CATSPERD: variants seen among roughly 807,000 people sequenced by gnomAD.
CATSPERD encodes the protein catsper channel auxiliary subunit delta.
CATSPERD carries 86 observed loss-of-function variants against 98.1 expected under a neutral mutation model. The ratio of observed to expected loss-of-function variants is 0.88; its 90% CI spans 0.74 to 1.05. The LOEUF is 1.05. Ranked by LOEUF, CATSPERD falls within the 50% of genes least tolerant of loss-of-function variation. CATSPERD has a pLI of 0.00. For missense variants in CATSPERD, 995 were observed against 1,005.7 expected (o/e 0.99, Z 0.14); for synonymous variants, 394 against 390.2 (o/e 1.01, Z -0.12).
chr19:5,751,255 T>G (rs2056211230), intron 11 of CATSPERD, among the ~76,000 whole-genome samples: 36 of 120,990 alleles, frequency 3.0e-4, no homozygotes, highest in South Asian at 8.4e-4. Context: ...CCTGGCGCGG[T>G]GGCTCACGCC....
chr19:5,762,052 A>ATTT (rs1568366950), intron 15 of CATSPERD, among the ~76,000 whole-genome samples: 1 of 17,278 alleles, frequency 5.8e-5, no homozygotes, highest in Non-Finnish European at 1.4e-4. Context: ...ATATATATAT[A>ATTT]TATATATTTT....
intron 13 of CATSPERD, among the ~76,000 whole-genome samples, chr19:5,757,186 G>A (rs1483663695): frequency 6.6e-6 from 1 of 152,016 alleles, no homozygotes; most frequent in African/African-American, 2.4e-5. Flanking sequence ...GGAGGCAGAG[G>A]TTGCAGTGAG....
intron 17 of CATSPERD, among the ~76,000 whole-genome samples, chr19:5,767,748 C>T (rs1402779441): frequency 2.7e-5 from 4 of 149,020 alleles, no homozygotes; most frequent in Non-Finnish European, 4.5e-5. Context: ...TGAGCCACCG[C>T]GCCTGGCCTG....
intron 5 of CATSPERD, among the ~76,000 whole-genome samples, chr19:5,736,156 C>T (rs1013684783): frequency 4.0e-5 from 6 of 151,782 alleles, no homozygotes; most frequent in Admixed American, 1.3e-4. Context: ...AGGAGATCCG[C>T]CCACCTCTGC....
chr19:5,753,881 A>G (rs1402754498), intron 12 of CATSPERD, among the ~76,000 whole-genome samples: 1 of 152,048 alleles, frequency 6.6e-6, no homozygotes, highest in African/African-American at 2.4e-5. Context: ...TCAAAAAAAA[A>G]AGAAAGGAAC....
intron 7 of CATSPERD, among the ~76,000 whole-genome samples, chr19:5,743,058 C>A (rs2056019612): frequency 6.6e-6 from 1 of 152,282 alleles, no homozygotes; most frequent in Middle Eastern, 3.4e-3. Flanking sequence ...AATCCCAGCA[C>A]TTTGGGAGGA....
rs764069874 is a variant in CATSPERD at position 5,763,756 on chromosome 19, A to G, written c.1506+463A>G. On this transcript the variant is annotated intron_variant, in intron 16 of 21. Transcript: ENST00000381624. Reference sequence around the variant, plus strand: ...CGCCTTGGTCTCCCAAAGCTCCCACACTTACAGGCGTGAGCCACTGTGCCT... The same window carrying G: ...CGCCTTGGTCTCCCAAAGCTCCCACGCTTACAGGCGTGAGCCACTGTGCCT... 1.7e-4 allele frequency among the ~76,000 whole-genome samples: 26 copies of G among 149,284 alleles called. 1 individual carries two copies. The highest frequency in any genetic ancestry group is 2.1e-4 in the South Asian group (1 of 4,696).
chr19:5,761,006 C>G lies in CATSPERD; in HGVS notation c.1427+1862C>G, dbSNP rs143100810. Among the ~76,000 whole-genome samples, 1,027 of 149,572 alleles carry G rather than the reference C, an allele frequency of 6.9e-3. 18 individuals carry two copies. Among genetic ancestry groups the G allele is most frequent in the African/African-American group, 0.024 (991 of 41,038 alleles). On this transcript the variant is annotated intron_variant, in intron 15 of 21. Coordinates refer to ENST00000381624, the MANE Select transcript of CATSPERD (RefSeq NM_152784.4). The stretch of plus-strand genomic sequence containing the variant: ...ATCGAGTTTTCACTGCTTCTTGAGT[C>G]AGTTTTGTGAAGTTTTTTTTATTTG...
chr19:5,766,130 C>A lies in CATSPERD; in HGVS notation c.1534C>A (p.Leu512Met), dbSNP rs1330872346. Reference protein sequence around the residue: ...LSTLISVGCDLDKKIVIQNKV... With the variant: ...LSTLISVGCDMDKKIVIQNKV... ...GACACTGATTTCAGTTGGCTGCGAC[C>A]TGGATAAAAAGATCGTCATCCAGAA... The change falls in exon 17 of 22, where the codon CTG (leucine) becomes ATG (methionine). Residue 512 changes from leucine (L) to methionine (M), a missense_variant. By Grantham distance (15) the Leu-to-Met change is conservative. This residue lies in a region of CATSPERD where 762 missense variants were observed against 773.7 expected (regional missense o/e 0.98). Transcript: ENST00000381624. 1.9e-6 allele frequency: 3 copies of A among 1,613,034 alleles called. No homozygotes were observed. Among genetic ancestry groups the A allele is most frequent in the Non-Finnish European group, 2.5e-6 (3 of 1,179,602 alleles).
At chr19:5,733,532 C>T (rs994132288) in intron 4 of CATSPERD, among the ~76,000 whole-genome samples, 21 of 151,598 alleles carry the variant, frequency 1.4e-4, no homozygotes, top group African/African-American at 5.1e-4. Flanking sequence ...TCTCAGCTCA[C>T]TGCAACCTCC....
chr19:5,771,787 T>G (rs1345106789), intron 19 of CATSPERD, among the ~76,000 whole-genome samples: 3 of 151,960 alleles, frequency 2.0e-5, no homozygotes, highest in Non-Finnish European at 4.4e-5. Flanking sequence ...GTCAGGCTGG[T>G]CTCGAACTCC....
Position 5,737,214 on chromosome 19 carries a change from A to G in CATSPERD, c.459+9A>G, listed in dbSNP as rs867822819. 1.9e-6 allele frequency: 3 copies of G among 1,585,382 alleles called. No homozygotes were observed. The highest frequency in any genetic ancestry group is 1.3e-5 in the African/African-American group (1 of 74,398). ...GAAGTTTGTTTTGTGTGGTAAGTAT[A>G]AGTGTATAATTGTTCATTTTTTTTT... On this transcript the variant is annotated intron_variant, in intron 6 of 21. Coordinates refer to ENST00000381624, the MANE Select transcript of CATSPERD (RefSeq NM_152784.4).
intron 7 of CATSPERD, among the ~76,000 whole-genome samples, chr19:5,742,340 A>ATG (rs947738004): frequency 9.8e-5 from 6 of 61,280 alleles, no homozygotes; most frequent in South Asian, 4.5e-4. Flanking sequence ...ATGTGTGTAC[A>ATG]TGTGTGTGTG....
chr19:5,740,676 G>A (rs2055942742), intron 7 of CATSPERD, among the ~76,000 whole-genome samples: 1 of 144,950 alleles, frequency 6.9e-6, no homozygotes, highest in African/African-American at 2.6e-5. Context: ...TGAGGCAGGA[G>A]AATCGCTTGA....
rs1432146836 is a variant in CATSPERD at position 5,774,028 on chromosome 19, C to T, written c.1941+1063C>T. On this transcript the variant is annotated intron_variant, in intron 20 of 21. Coordinates refer to ENST00000381624, the MANE Select transcript of CATSPERD (RefSeq NM_152784.4). ...TGTCCCCCAGGCTGGAGTGCAGTGGCGCAATCTCAGCTCACTGCAACCTCC... is the reference window on the plus strand; with the variant it reads ...TGTCCCCCAGGCTGGAGTGCAGTGGTGCAATCTCAGCTCACTGCAACCTCC... Among the ~76,000 whole-genome samples, 4 of 137,206 alleles carry T rather than the reference C, an allele frequency of 2.9e-5. No homozygotes were observed. In the East Asian group the frequency reaches 6.6e-4, roughly 23 times the overall value. 90.0% of individuals were successfully genotyped at this position (137,206 alleles called of 152,430 possible).
intron 11 of CATSPERD, among the ~76,000 whole-genome samples, chr19:5,749,449 A>G (rs1460854969): frequency 3.9e-5 from 6 of 152,110 alleles, no homozygotes; most frequent in African/African-American, 1.4e-4. Context: ...CTCAACAACA[A>G]CAACGACAAC....
chr19:5,761,678 A>C (rs138806995), intron 15 of CATSPERD, among the ~76,000 whole-genome samples: 2 of 27,716 alleles, frequency 7.2e-5, no homozygotes, highest in Non-Finnish European at 1.8e-4. Context: ...AGAGAGAATG[A>C]GAGAGAGAGA....
At chr19:5,737,595 G>A (rs1316550785) in intron 6 of CATSPERD, among the ~76,000 whole-genome samples, 3 of 141,972 alleles carry the variant, frequency 2.1e-5, no homozygotes, top group Non-Finnish European at 4.5e-5. Flanking sequence ...CATGCCTGTA[G>A]TAATCTAGCA....
At chr19:5,762,055 TA>T (rs1332426798) in intron 15 of CATSPERD, among the ~76,000 whole-genome samples, 12 of 40,856 alleles carry the variant, frequency 2.9e-4, no homozygotes, top group East Asian at 1.4e-3. Context: ...TATATATATA[TA>T]TATTTTTTTT....
Sources: allele counts gnomAD v4.1 joint callset (sites outside exome capture counted in the v4.1 genomes callset), GRCh38; gene constraint gnomAD v4.1.1; regional missense constraint gnomAD v4.1.1; transcripts MANE v1.5; gene names NCBI Gene and HGNC (gene_info 2026-07-23, HGNC 2026-07-21).